Variants in BRAF observed in about 807,000 individuals in gnomAD.
The protein encoded by BRAF is B-Raf proto-oncogene, serine/threonine kinase, also known as serine/threonine-protein kinase B-raf.
A neutral mutation model predicts 104.6 loss-of-function variants in BRAF; 16 were observed. The ratio of observed to expected loss-of-function variants is 0.15; its 90% CI spans 0.10 to 0.23. BRAF has a LOEUF of 0.23. BRAF is among the 10% of genes least tolerant of loss of function. BRAF has a pLI of 1.00. For missense variants in BRAF, 541 were observed against 937.3 expected, an observed-to-expected ratio of 0.58 and a Z score of 5.52; for synonymous variants, 310 against 341.6, an observed-to-expected ratio of 0.91 and a Z score of 1.02.
At chr7:140,830,062 T>C (rs1223523882) in intron 3 of BRAF, among the ~76,000 whole-genome samples, 1 of 152,204 alleles carries the variant, frequency 6.6e-6, no homozygotes, top group African/African-American at 2.4e-5. Flanking sequence ...GCCTTTCTGT[T>C]TAACAAAAGT....
At chr7:140,781,285 CA>C in intron 12 of BRAF, 1 of 398,010 alleles carries the variant, frequency 2.5e-6, no homozygotes, top group African/African-American at 2.0e-5. Context: ...ATAAAATTAT[CA>C]GCTGAAAGAC....
Position 140,722,910 on chromosome 7 carries a change from T to C in BRAF, c.*3584A>G. 1.9e-6 allele frequency: 2 copies of C among 1,054,428 alleles called. No homozygotes were observed. Among genetic ancestry groups the C allele is most frequent in the Non-Finnish European group, 2.3e-6 (2 of 872,494 alleles). The allele number at this position is 1,054,428 out of a possible 1,614,324, so 65.3% of individuals were successfully genotyped here. A position where few individuals can be genotyped will look rare whatever the true frequency, so the allele number is the denominator to read the frequency against. ...ACATTCAGATATTCCGAGCAACACA[T>C]TTTTTTACAGTATTACTGCTTAAAT... On this transcript the variant is annotated 3_prime_UTR_variant, in exon 20 of 20. Transcript: ENST00000644969.
At chr7:140,787,461 C>A (rs2129031420) in intron 9 of BRAF, 87 bp downstream of exon 9, 1 of 1,407,366 alleles carries the variant, frequency 7.1e-7, no homozygotes, top group Non-Finnish European at 1.0e-6. Context: ...GTGTCTGTTA[C>A]TTGAAAGAGG....
chr7:140,906,636 T>C lies in BRAF; in HGVS notation c.138+17930A>G, dbSNP rs189945360. ...TTCTGCCTTAAGTATTAATGTATAC[T>C]TCATAATTTCCTTTAGAAAGAGCTG... On this transcript the variant is annotated intron_variant, in intron 1 of 19. Transcript: ENST00000644969. 1.2e-3 allele frequency among the ~76,000 whole-genome samples: 177 copies of C among 152,350 alleles called. 1 individual carries two copies. Among genetic ancestry groups the C allele is most frequent in the Non-Finnish European group, 4.0e-4 (27 of 68,022 alleles).
downstream of BRAF, among the ~76,000 whole-genome samples, chr7:140,718,117 C>CA (rs1452103686): frequency 1.3e-5 from 2 of 152,130 alleles, no homozygotes; most frequent in African/African-American, 4.8e-5. Context: ...TTTTTTGAGA[C>CA]AGAGTCTCGC....
At chr7:140,777,913 A>C (rs903023804) in intron 13 of BRAF, 78 bp downstream of exon 12, 26 of 1,306,354 alleles carry the variant, frequency 2.0e-5, no homozygotes, top group Non-Finnish European at 2.6e-5. Context: ...TGTAAAGCTA[A>C]TAGTTGCTAC....
At chr7:140,863,010 T>C (rs1173379557) in intron 1 of BRAF, among the ~76,000 whole-genome samples, 2 of 152,182 alleles carry the variant, frequency 1.3e-5, no homozygotes, top group Non-Finnish European at 2.9e-5. Context: ...TTTTTGGACA[T>C]GTTAAGTTCT....
At position 140,734,697 on chromosome 7, in the gene BRAF, T is replaced by C; in HGVS notation, c.2321A>G (p.Asn774Ser). 2 of 1,610,106 alleles carry C rather than the reference T, an allele frequency of 1.2e-6. No individual in the cohort carries two copies. Among genetic ancestry groups the C allele is most frequent in the East Asian group, 2.2e-5 (1 of 44,770 alleles). ...IHRSASEPSL[N>S]RAGFQTEDFS... The stretch of plus-strand genomic sequence containing the variant: ...ATCCTCTGTTTGGAAACCAGCCCGA[T>C]TCAAGGAGGGTTCTGATGCACTGCG... The change falls in exon 19 of 20, where the codon AAT (asparagine) becomes AGT (serine). Residue 774 changes from asparagine to serine, a missense_variant. Asn to Ser is a conservative substitution (Grantham distance 46). Transcript: ENST00000644969.
At chr7:140,816,112 T>C (rs755816983) in intron 3 of BRAF, among the ~76,000 whole-genome samples, 5 of 152,240 alleles carry the variant, frequency 3.3e-5, no homozygotes, top group African/African-American at 4.8e-5. Flanking sequence ...AGCTGTTTTA[T>C]TGAAATTTAA....
intron 1 of BRAF, among the ~76,000 whole-genome samples, chr7:140,871,189 C>A (rs866576205): frequency 1.6e-4 from 23 of 143,422 alleles, no homozygotes; most frequent in Admixed American, 6.4e-4. Context: ...TTGCAGTGAG[C>A]CGAGATCGCG....
intron 1 of BRAF, among the ~76,000 whole-genome samples, chr7:140,884,424 A>AAG (rs1200239480): frequency 7.8e-6 from 1 of 128,438 alleles, no homozygotes; most frequent in South Asian, 2.8e-4. Context: ...ATATATATAT[A>AAG]AGATATGTGT....
intron 1 of BRAF, among the ~76,000 whole-genome samples, chr7:140,875,716 AAT>A (rs917996332): frequency 5.3e-5 from 8 of 152,190 alleles, no homozygotes; most frequent in Admixed American, 4.6e-4. Context: ...CAATCCATAA[AAT>A]ATAGGGGAAC....
At chr7:140,746,205 A>G (rs1226034955) in intron 17 of BRAF, among the ~76,000 whole-genome samples, 2 of 152,246 alleles carry the variant, frequency 1.3e-5, no homozygotes, top group African/African-American at 2.4e-5. Flanking sequence ...TATGCTATCT[A>G]TTCTTCAAAG....
chr7:140,881,338 A>G (rs935572969), intron 1 of BRAF, among the ~76,000 whole-genome samples: 4 of 152,226 alleles, frequency 2.6e-5, no homozygotes, highest in African/African-American at 9.6e-5. Flanking sequence ...CATTGACTTA[A>G]GGAAATGTTG....
chr7:140,723,309 A>G lies in BRAF; in HGVS notation c.*3185T>C. ...GAAATATTTACAAAGTTTCAGGTTGACAGTGCTGCAGTCTTGAATTATTTC... is the reference window on the plus strand; with the variant it reads ...GAAATATTTACAAAGTTTCAGGTTGGCAGTGCTGCAGTCTTGAATTATTTC... On this transcript the variant is annotated 3_prime_UTR_variant, in exon 20 of 20. Coordinates refer to ENST00000644969, the MANE Select transcript of BRAF (RefSeq NM_001374258.1). The G allele has an allele frequency of 1.9e-6, 2 of 1,056,128 alleles. No homozygotes were observed. Among genetic ancestry groups the G allele is most frequent in the Non-Finnish European group, 2.3e-6 (2 of 873,592 alleles). 65.4% of individuals were successfully genotyped at this position (1,056,128 alleles called of 1,614,324 possible).
At chr7:140,814,821 T>TATATAACATATATATA (rs1804687381) in intron 3 of BRAF, among the ~76,000 whole-genome samples, 1 of 127,512 alleles carries the variant, frequency 7.8e-6, no homozygotes, top group African/African-American at 4.3e-5. Context: ...ACATATATAA[T>TATATAACATATATATA]TTATATATAT....
chr7:140,720,209 CAACA>C lies in BRAF; in HGVS notation c.*6281_*6284del, dbSNP rs1476753972. On this transcript the variant is annotated 3_prime_UTR_variant, in exon 20 of 20. Coordinates refer to ENST00000644969, the MANE Select transcript of BRAF (RefSeq NM_001374258.1). Reference sequence around the variant, plus strand: ...TTGAGGAAAGGATCAGATGTACAACCAACAAATGAGATTACCACAAATACATATC... The same window carrying C: ...TTGAGGAAAGGATCAGATGTACAACCAATGAGATTACCACAAATACATATC... The C allele has an allele frequency of 1.3e-5, 14 of 1,062,398 alleles. No individual in the cohort carries two copies. The highest frequency in any genetic ancestry group is 1.5e-5 in the Non-Finnish European group (13 of 877,570). The allele number at this position is 1,062,398 out of a possible 1,614,324, so 65.8% of individuals were successfully genotyped here. A position where few individuals can be genotyped will look rare whatever the true frequency, so the allele number is the denominator to read the frequency against.
intron 1 of BRAF, among the ~76,000 whole-genome samples, chr7:140,915,145 A>G (rs1817476548): frequency 6.6e-6 from 1 of 151,764 alleles, no homozygotes. Context: ...AAATACATCT[A>G]TAAGCCAAAA....
At chr7:140,770,682 T>C (rs1013508608) in intron 14 of BRAF, among the ~76,000 whole-genome samples, 2 of 152,056 alleles carry the variant, frequency 1.3e-5, no homozygotes, top group African/African-American at 2.4e-5. Flanking sequence ...ACGCCTGTAA[T>C]CCCAGCACTT....
Sources: allele counts gnomAD v4.1 joint callset (sites outside exome capture counted in the v4.1 genomes callset), GRCh38; gene constraint gnomAD v4.1.1; transcripts MANE v1.5; gene names NCBI Gene and HGNC (gene_info 2026-07-23, HGNC 2026-07-21).